The following KIAA1755 variants were observed in gnomAD, a reference collection of about 807,000 sequenced individuals.
The protein encoded by KIAA1755 is uncharacterized protein KIAA1755.
In KIAA1755, 68 loss-of-function variants were observed where a neutral mutation model predicts 91.7. The observed-to-expected ratio is 0.74, with a 90% CI of 0.61 to 0.91. The LOEUF (loss-of-function observed/expected upper bound fraction) is 0.91. Among genes scored for constraint, KIAA1755 ranks in the 40% least tolerant of loss-of-function variants. KIAA1755 has a pLI of 0.00. For missense variants in KIAA1755, 1,535 were observed against 1,494.4 expected, an observed-to-expected ratio of 1.03 and a Z score of -0.45; for synonymous variants, 610 against 604.6, an observed-to-expected ratio of 1.01 and a Z score of -0.13.
At chr20:38,230,677 T>C (rs138505208) in intron 5 of KIAA1755, among the ~76,000 whole-genome samples, 1,672 of 152,162 alleles carry the variant, frequency 0.011, 32 homozygotes, top group East Asian at 0.043. Flanking sequence ...TCACCTGAGG[T>C]TGGGAGCTCA....
At chr20:38,258,284 G>A (rs560386568) in intron 1 of KIAA1755, among the ~76,000 whole-genome samples, 3 of 152,264 alleles carry the variant, frequency 2.0e-5, no homozygotes, top group Admixed American at 6.5e-5. Context: ...ATTTTTCAGT[G>A]TACAAAGTAA....
intron 1 of KIAA1755, among the ~76,000 whole-genome samples, chr20:38,251,479 G>T (rs968259330): frequency 6.6e-6 from 1 of 151,946 alleles, no homozygotes; most frequent in South Asian, 2.1e-4. Context: ...CCTGCTCACA[G>T]TGGTTATACC....
chr20:38,248,113 C>G (rs1232727742), intron 1 of KIAA1755, among the ~76,000 whole-genome samples: 1 of 152,180 alleles, frequency 6.6e-6, no homozygotes, highest in Non-Finnish European at 1.5e-5. Flanking sequence ...CCTGTAATCC[C>G]AGCTACTCGG....
At chr20:38,253,258 G>A (rs1470909978) in intron 1 of KIAA1755, among the ~76,000 whole-genome samples, 1 of 152,206 alleles carries the variant, frequency 6.6e-6, no homozygotes, top group Non-Finnish European at 1.5e-5. Context: ...GACTGACCCA[G>A]GGAAGCTTGC....
chr20:38,258,746 G>A (rs2076383367), intron 1 of KIAA1755, among the ~76,000 whole-genome samples: 1 of 152,190 alleles, frequency 6.6e-6, no homozygotes, highest in African/African-American at 2.4e-5. Flanking sequence ...GGAGTGGCTG[G>A]AGCACAGAAG....
rs1266186977 is a variant in KIAA1755, at chr20:38,222,369, C to T, written c.2417+80G>A. 3 of 1,477,876 alleles carry T rather than the reference C, an allele frequency of 2.0e-6. No individual in the cohort carries two copies. The East Asian group carries it at 6.8e-5, about 34-fold the overall frequency. 91.5% of individuals were successfully genotyped at this position (1,477,876 alleles called of 1,614,324 possible). A position where few individuals can be genotyped will look rare whatever the true frequency, so the allele number is the denominator to read the frequency against. ...CCCTCGGGGCTCAGCTATGTGTGCC[C>T]TAGGTGGTGTGGTCCCAGCTCCAAG... On this transcript the variant is annotated intron_variant, in intron 10 of 13. Transcript: ENST00000279024.
At chr20:38,243,410 G>A (rs1290822102) in intron 2 of KIAA1755, among the ~76,000 whole-genome samples, 2 of 152,104 alleles carry the variant, frequency 1.3e-5, no homozygotes, top group Non-Finnish European at 2.9e-5. Flanking sequence ...GCCCTCTTGG[G>A]TTTGCAACAT....
In KIAA1755 at chr20:38,213,469, T is replaced by C; in HGVS notation, c.3176A>G (p.Glu1059Gly). Reference sequence around the variant, plus strand: ...GCGCGCTGAGTGAGCAGCTGGAGCCTCTGGGCAAGAGCTGTGGGTCAGTGC... The same window carrying C: ...GCGCGCTGAGTGAGCAGCTGGAGCCCCTGGGCAAGAGCTGTGGGTCAGTGC... ...EKALTHSSCP[E>G]APAAHSARPE... The change falls in exon 14 of 14, where the codon GAG becomes GGG. Residue 1059 changes from glutamate (E) to glycine (G), a missense_variant. By Grantham distance (98) the Glu-to-Gly change is moderately conservative. Transcript: ENST00000279024. 2 of 1,605,838 alleles carry C rather than the reference T, an allele frequency of 1.2e-6. No individual in the cohort carries two copies. Among genetic ancestry groups the C allele is most frequent in the Admixed American group, 1.7e-5 (1 of 58,788 alleles).
intron 1 of KIAA1755, among the ~76,000 whole-genome samples, chr20:38,250,289 T>C (rs1309239060): frequency 3.3e-5 from 5 of 152,176 alleles, no homozygotes; most frequent in Non-Finnish European, 7.3e-5. Context: ...AAGTCAGATT[T>C]AACTCGTTGT....
At chr20:38,248,684 A>T (rs552961761) in intron 1 of KIAA1755, among the ~76,000 whole-genome samples, 1,332 of 29,002 alleles carry the variant, frequency 0.046, 28 homozygotes, top group African/African-American at 0.16. Flanking sequence ...TCTTCTCTTT[A>T]TTATTATTAT....
Position 38,231,317 on chromosome 20 carries a change from C to G in KIAA1755, c.1756G>C (p.Asp586His). Residue 586 changes from aspartate to histidine, a missense_variant, in exon 5 of 14, where the codon GAC becomes CAC. Transcript: ENST00000279024. ...AGAAGCAGGGGCCGCCCGGCCCTGT[C>G]CCGGCCACCTGGAGGACAGAGGGCA... is the stretch of plus-strand genomic sequence containing the variant. ...SRIACLPGGR[D>H]RAGRPLLLVS... 6.2e-7 allele frequency: 1 copy of G among 1,608,394 alleles called. No individual in the cohort carries two copies. The highest frequency in any genetic ancestry group is 8.5e-7 in the Non-Finnish European group (1 of 1,178,366).
In KIAA1755 at chr20:38,232,662, A is replaced by C. The variant is rs180939053; in HGVS notation, c.1748-1337T>G. 1.8e-3 allele frequency among the ~76,000 whole-genome samples: 269 copies of C among 151,836 alleles called. 3 individuals are homozygous for C. The highest frequency in any genetic ancestry group is 6.0e-3 in the African/African-American group (248 of 41,376). The stretch of plus-strand genomic sequence containing the variant: ...AAAAAAAAAATTTGTGTGTATATAA[A>C]TGTGTATACATATATATCAATGTTA... On this transcript the variant is annotated intron_variant, in intron 4 of 13. Coordinates refer to ENST00000279024, the MANE Select transcript of KIAA1755 (RefSeq NM_001029864.2).
intron 9 of KIAA1755, 107 bp from the exon 10 acceptor site, chr20:38,222,704 G>A: frequency 8.2e-7 from 1 of 1,214,244 alleles, no homozygotes; most frequent in Non-Finnish European, 1.2e-6. Context: ...TGGCATTCAA[G>A]GTCCTCCAGA....
At chr20:38,216,665 C>G (rs1422484078) in intron 13 of KIAA1755, among the ~76,000 whole-genome samples, 1 of 152,288 alleles carries the variant, frequency 6.6e-6, no homozygotes, top group Non-Finnish European at 1.5e-5. Context: ...GCTCCTAAAT[C>G]AAATCATCCT....
intron 10 of KIAA1755, among the ~76,000 whole-genome samples, chr20:38,220,581 T>C (rs1329151087): frequency 6.6e-6 from 1 of 152,216 alleles, no homozygotes; most frequent in Non-Finnish European, 1.5e-5. Context: ...CCAAAAGTGC[T>C]GGCATTATAG....
At chr20:38,233,334 A>G (rs1347293292) in intron 4 of KIAA1755, 1 of 152,178 alleles carries the variant, frequency 6.6e-6, no homozygotes, top group Non-Finnish European at 1.5e-5. Context: ...CTACTTTTCT[A>G]TAGGTTTGAA....
Position 38,217,462 on chromosome 20 carries a change from G to T in KIAA1755, c.2692C>A (p.Arg898=), listed in dbSNP as rs369255864. 6.2e-7 allele frequency: 1 copy of T among 1,606,172 alleles called. No individual in the cohort carries two copies. Among genetic ancestry groups the T allele is most frequent in the South Asian group, 1.1e-5 (1 of 89,716 alleles). ...GCCTGCTTGGACAGCTCCAGGCCTC[G>T]GCGGTACTGGGCCTGAGAGGGGAGA... ...FFLQAAAQYR[R]GLELSKQAAQ... Residue 898 remains arginine, a synonymous_variant, in exon 13 of 14, where the codon CGA becomes AGA. Transcript: ENST00000279024.
chr20:38,225,906 A>G, intron 7 of KIAA1755, 125 bp from the exon 8 acceptor site: 2 of 563,830 alleles, frequency 3.5e-6, no homozygotes, highest in South Asian at 5.5e-5. Flanking sequence ...TCCAGCTTTA[A>G]AAGTTGCTTT....
intron 2 of KIAA1755, among the ~76,000 whole-genome samples, chr20:38,244,900 G>A (rs1568770060): frequency 6.6e-6 from 1 of 152,026 alleles, no homozygotes; most frequent in African/African-American, 2.4e-5. Flanking sequence ...GCTAATTTTT[G>A]TATTTTTAGT....
Sources: allele counts gnomAD v4.1 joint callset (sites outside exome capture counted in the v4.1 genomes callset), GRCh38; gene constraint gnomAD v4.1.1; transcripts MANE v1.5; gene names NCBI Gene and HGNC (gene_info 2026-07-23, HGNC 2026-07-21).